ZNF705A: variants seen among roughly 807,000 people sequenced by gnomAD.
The protein encoded by ZNF705A is zinc finger protein 705A.
ZNF705A carries 8 observed loss-of-function variants against 16.6 expected under a neutral mutation model. The observed-to-expected ratio is 0.48, with a 90% CI of 0.28 to 0.87. ZNF705A has a LOEUF of 0.87. Ranked by LOEUF, ZNF705A falls within the 40% of genes least tolerant of loss-of-function variation. ZNF705A has a pLI of 0.10. For synonymous variants in ZNF705A, 73 were observed against 117.3 expected, an observed-to-expected ratio of 0.62 and a Z score of 2.44; for missense variants, 233 against 359.9, an observed-to-expected ratio of 0.65 and a Z score of 2.85.
chr12:8,167,612 A>C (rs1266287317), upstream of ZNF705A, among the ~76,000 whole-genome samples: 1 of 152,170 alleles, frequency 6.6e-6, no homozygotes, highest in East Asian at 1.9e-4. Context: ...AGTTCACTGC[A>C]TCCTCCCACT....
upstream of ZNF705A, among the ~76,000 whole-genome samples, chr12:8,167,720 AGCATATCT>A (rs1162049800): frequency 6.6e-6 from 1 of 152,202 alleles, no homozygotes; most frequent in Non-Finnish European, 1.5e-5. Context: ...AGTTACTGGC[AGCATATCT>A]GCATGGGTCC....
upstream of ZNF705A, among the ~76,000 whole-genome samples, chr12:8,168,393 T>G (rs1948417685): frequency 6.6e-6 from 1 of 152,224 alleles, no homozygotes; most frequent in African/African-American, 2.4e-5. Flanking sequence ...TCATTAGACA[T>G]TTGTCCCATC....
At chr12:8,173,253 C>A (rs908403384) in intron 1 of ZNF705A, among the ~76,000 whole-genome samples, 4 of 152,336 alleles carry the variant, frequency 2.6e-5, no homozygotes, top group Admixed American at 1.3e-4. Context: ...CATTATTATT[C>A]TTATCCCCAT....
At chr12:8,166,689 A>C (rs1192192187) in intron 1 of ZNF705A, among the ~76,000 whole-genome samples, 2 of 152,232 alleles carry the variant, frequency 1.3e-5, no homozygotes, top group Admixed American at 1.3e-4. Flanking sequence ...TTAATACCCC[A>C]TGGAAATTGC....
intron 4 of ZNF705A, 123 bp downstream of exon 5, chr12:8,176,065 A>C (rs1948482369): frequency 6.8e-7 from 1 of 1,468,156 alleles, no homozygotes; most frequent in Non-Finnish European, 9.3e-7. Flanking sequence ...CTAAGCAAAA[A>C]AAAATTGAAT....
At chr12:8,173,521 G>A (rs771726150) in intron 1 of ZNF705A, among the ~76,000 whole-genome samples, 45 of 152,318 alleles carry the variant, frequency 3.0e-4, no homozygotes, top group Admixed American at 7.2e-4. Flanking sequence ...TTGGATTGCC[G>A]AGAGAAAGTT....
chr12:8,171,768 G>A (rs1183042206), upstream of ZNF705A, among the ~76,000 whole-genome samples: 3 of 152,028 alleles, frequency 2.0e-5, no homozygotes, highest in South Asian at 2.1e-4. Flanking sequence ...ACAGAGTCTC[G>A]CTCTGTCACC....
In ZNF705A at chr12:8,174,546, C is replaced by T. The variant is rs1948470541; in HGVS notation, c.139+94C>T. On this transcript the variant is annotated intron_variant, in intron 2 of 4. Transcript: ENST00000359286. Reference sequence around the variant, plus strand: ...CAGCTTCCCCATATCTCACTCTAATCTCTTCTCTGCTTCTCTCACAGATCT... The same window carrying T: ...CAGCTTCCCCATATCTCACTCTAATTTCTTCTCTGCTTCTCTCACAGATCT... The T allele has an allele frequency of 2.5e-6, 4 of 1,590,912 alleles. No homozygotes were observed. In the Admixed American group the frequency reaches 5.0e-5, roughly 20 times the overall value.
chr12:8,168,756 G>A (rs1948420714), upstream of ZNF705A: 2 of 152,178 alleles, frequency 1.3e-5, no homozygotes, highest in African/African-American at 4.8e-5. Context: ...TGTTGGGCAT[G>A]TTGGCTACCA....
At chr12:8,157,895 T>C (rs1447520392) in intron 1 of ZNF705A, among the ~76,000 whole-genome samples, 2 of 152,148 alleles carry the variant, frequency 1.3e-5, no homozygotes, top group Non-Finnish European at 2.9e-5. Context: ...GTTAGCTTCC[T>C]CTGGCCTTTG....
At chr12:8,169,147 T>A (rs1055741186), upstream of ZNF705A, among the ~76,000 whole-genome samples, 2 of 152,378 alleles carry the variant, frequency 1.3e-5, no homozygotes, top group African/African-American at 4.8e-5. Context: ...TTCCTTTTTT[T>A]AAAATGTGAG....
chr12:8,175,955 G>T lies in ZNF705A; in HGVS notation c.318+13G>T, dbSNP rs1463606541. ...CAGTATGACAATGGTAAGTTTTATA[G>T]CTGTGTACACCAGTCATCTAAGTTA... On this transcript the variant is annotated intron_variant, in intron 4 of 4. Transcript: ENST00000359286. 11 of 1,611,116 alleles carry T rather than the reference G, an allele frequency of 6.8e-6. No homozygotes were observed. The highest frequency in any genetic ancestry group is 9.3e-6 in the Non-Finnish European group (11 of 1,179,358).
chr12:8,179,910 T>TA (rs1331499555), exon 5 of ZNF705A: 1 of 152,232 alleles, frequency 6.6e-6, no homozygotes, highest in Non-Finnish European at 1.5e-5. Flanking sequence ...CAGCCATTAT[T>TA]AAAGCGTAAC....
chr12:8,177,904 A>G, exon 5 of ZNF705A: 1 of 426,778 alleles, frequency 2.3e-6, no homozygotes. Context: ...TATGGAAGAG[A>G]AATTGTATGA....
chr12:8,159,103 G>A (rs1008798386), intron 1 of ZNF705A, among the ~76,000 whole-genome samples: 2 of 152,020 alleles, frequency 1.3e-5, no homozygotes, highest in Non-Finnish European at 2.9e-5. Context: ...TAGAATAATA[G>A]TCTCCAGTCT....
chr12:8,174,804 T>A (rs1347186136), intron 2 of ZNF705A, among the ~76,000 whole-genome samples: 2 of 152,232 alleles, frequency 1.3e-5, no homozygotes, highest in Non-Finnish European at 2.9e-5. Flanking sequence ...ATGCTTAGGC[T>A]GAGACCAATT....
At chr12:8,159,391 C>A (rs1422543170) in intron 1 of ZNF705A, among the ~76,000 whole-genome samples, 1 of 152,130 alleles carries the variant, frequency 6.6e-6, no homozygotes, top group Admixed American at 6.6e-5. Context: ...GGAATCTTCA[C>A]ACTTTTCTAC....
chr12:8,172,598 T>G lies in ZNF705A; in HGVS notation c.-28T>G. 6.3e-7 allele frequency: 1 copy of G among 1,596,446 alleles called. No individual in the cohort carries two copies. Among genetic ancestry groups the G allele is most frequent in the South Asian group, 1.1e-5 (1 of 90,982 alleles). On this transcript the variant is annotated 5_prime_UTR_variant, in exon 1 of 5. The change abolishes the stop of an existing upstream ORF in the 5' untranslated region. Coordinates refer to ENST00000359286, the Ensembl canonical transcript of ZNF705A. ...GTGTCTGCACATGGAAATCCAGAGG[T>G]AGACAGAGAGAAACTGAGTTCCGGA...
chr12:8,172,252 C>G (rs1029080994), upstream of ZNF705A, among the ~76,000 whole-genome samples: 2 of 151,354 alleles, frequency 1.3e-5, no homozygotes, highest in Non-Finnish European at 2.9e-5. Flanking sequence ...AGTCAGGGAT[C>G]CCTGTGTTTT....
Sources: gnomAD v4.1 joint callset for allele counts (sites outside exome capture counted in the v4.1 genomes callset) on GRCh38, gnomAD v4.1.1 for gene constraint, MANE v1.5 for transcripts, NCBI Gene and HGNC (gene_info 2026-07-23, HGNC 2026-07-21) for gene names.